SEC22C: variants seen among roughly 807,000 people sequenced by gnomAD.
SEC22C encodes vesicle-trafficking protein SEC22c.
In SEC22C, 29 loss-of-function variants were observed where a neutral mutation model predicts 34.7. The ratio of observed to expected loss-of-function variants is 0.84; its 90% CI spans 0.62 to 1.14. The LOEUF is 1.14. Ranked by LOEUF, SEC22C falls within the 50% of genes most tolerant of loss-of-function variation. The pLI is 0.00. For missense variants in SEC22C, 337 were observed against 369.0 expected (o/e 0.91, Z 0.71); for synonymous variants, 117 against 132.8 (o/e 0.88, Z 0.82).
At chr3:42,601,037 T>G (rs935895346) in exon 1 of SEC22C, 1 of 1,582,892 alleles carries the variant, frequency 6.3e-7, no homozygotes, top group Admixed American at 1.8e-5. Flanking sequence ...GCAGTGCCAC[T>G]TCGACATCGA....
chr3:42,572,380 A>G (rs1244589884), intron 1 of SEC22C, among the ~76,000 whole-genome samples: 2 of 152,216 alleles, frequency 1.3e-5, no homozygotes, highest in Non-Finnish European at 2.9e-5. Flanking sequence ...ACGAAGGCCA[A>G]GTGAAGAGCC....
rs922930637 is a variant in SEC22C at position 42,552,983 on chromosome 3, T to G, written c.*265A>C. ...TTCTCTCTTCCAATAAAGCTCTTTCTGGATGAGCCCCCAGATCCAGCTGTC... is the reference window on the plus strand; with the variant it reads ...TTCTCTCTTCCAATAAAGCTCTTTCGGGATGAGCCCCCAGATCCAGCTGTC... On this transcript the variant is annotated 3_prime_UTR_variant, in exon 7 of 7. Transcript: ENST00000264454. The G allele has an allele frequency of 1.6e-6, 2 of 1,268,224 alleles. No homozygotes were observed. The highest frequency in any genetic ancestry group is 3.1e-5 in the African/African-American group (2 of 65,554). 78.6% of individuals were successfully genotyped at this position (1,268,224 alleles called of 1,614,324 possible). A position where few individuals can be genotyped will look rare whatever the true frequency, so the allele number is the denominator to read the frequency against.
chr3:42,581,360 G>A (rs955212601), intron 1 of SEC22C: 1 of 152,194 alleles, frequency 6.6e-6, no homozygotes, highest in Non-Finnish European at 1.5e-5. Flanking sequence ...AGGTACATGT[G>A]TAAATCTGTA....
At chr3:42,564,760 T>C (rs545739405) in intron 2 of SEC22C, among the ~76,000 whole-genome samples, 1 of 152,318 alleles carries the variant, frequency 6.6e-6, no homozygotes, top group African/African-American at 2.4e-5. Context: ...AAGAGTGTTT[T>C]GTTTTGTTTT....
Position 42,549,570 on chromosome 3 carries a change from C to T in SEC22C, c.*3678G>A. ...CTGTGCTGACCACCAAGTGTTACTCCTCTCCAAGACTTGACTCCCAGGCAT... is the reference window on the plus strand; with the variant it reads ...CTGTGCTGACCACCAAGTGTTACTCTTCTCCAAGACTTGACTCCCAGGCAT... On this transcript the variant is annotated 3_prime_UTR_variant, in exon 7 of 7. Transcript: ENST00000264454. 1 of 984,864 alleles carries T rather than the reference C, an allele frequency of 1.0e-6. No individual in the cohort carries two copies. The highest frequency in any genetic ancestry group is 1.2e-6 in the Non-Finnish European group (1 of 829,882). The allele number at this position is 984,864 out of a possible 1,614,324, so 61.0% of individuals were successfully genotyped here.
chr3:42,599,235 G>C (rs1302306171), intron 1 of SEC22C, among the ~76,000 whole-genome samples: 2 of 150,932 alleles, frequency 1.3e-5, no homozygotes, highest in East Asian at 4.0e-4. Flanking sequence ...AAAGTGCTGG[G>C]ATTACAGGCA....
At chr3:42,585,808 A>G (rs962212863), upstream of SEC22C, among the ~76,000 whole-genome samples, 1 of 152,302 alleles carries the variant, frequency 6.6e-6, no homozygotes, top group Admixed American at 6.5e-5. Flanking sequence ...TCAGTGCTAC[A>G]TACATTGTCA....
chr3:42,559,737 G>A (rs1434262179), intron 4 of SEC22C, among the ~76,000 whole-genome samples: 6 of 152,028 alleles, frequency 3.9e-5, no homozygotes, highest in Non-Finnish European at 5.9e-5. Context: ...AGAATTCTTC[G>A]AATATAAATA....
In SEC22C at chr3:42,552,970, A is replaced by G; in HGVS notation, c.*278T>C. 2 of 1,231,086 alleles carry G rather than the reference A, an allele frequency of 1.6e-6. No homozygotes were observed. The highest frequency in any genetic ancestry group is 2.0e-6 in the Non-Finnish European group (2 of 982,566). 76.3% of individuals were successfully genotyped at this position (1,231,086 alleles called of 1,614,324 possible). On this transcript the variant is annotated 3_prime_UTR_variant, in exon 7 of 7. Coordinates refer to ENST00000264454, the MANE Select transcript of SEC22C (RefSeq NM_032970.4). ...CAAAATATTTCCTTTCTCTCTTCCA[A>G]TAAAGCTCTTTCTGGATGAGCCCCC... is the stretch of plus-strand genomic sequence containing the variant.
chr3:42,596,479 TG>T (rs1398237890), intron 1 of SEC22C, among the ~76,000 whole-genome samples: 1 of 152,214 alleles, frequency 6.6e-6, no homozygotes, highest in African/African-American at 2.4e-5. Context: ...GTACTACCAG[TG>T]GTTCTTCTTC....
In SEC22C at chr3:42,552,240, A is replaced by G. The variant is rs985895797; in HGVS notation, c.*1008T>C. 5 of 985,432 alleles carry G rather than the reference A, an allele frequency of 5.1e-6. No homozygotes were observed. In the South Asian group the frequency reaches 1.9e-4, roughly 37 times the overall value. 61.0% of individuals were successfully genotyped at this position (985,432 alleles called of 1,614,324 possible). ...AAATGAGGCCCTCAAGCTAATTAAG[A>G]TGACTGGGAAAGGTGCAGAGGAGTA... On this transcript the variant is annotated 3_prime_UTR_variant, in exon 7 of 7. Transcript: ENST00000264454.
intron 1 of SEC22C, among the ~76,000 whole-genome samples, chr3:42,575,568 A>C (rs1212656722): frequency 6.6e-6 from 1 of 152,254 alleles, no homozygotes; most frequent in Non-Finnish European, 1.5e-5. Context: ...TCCACTAAGA[A>C]GGCATAATAA....
chr3:42,551,723 G>A lies in SEC22C; in HGVS notation c.*1525C>T, dbSNP rs1274385601. 1 of 961,538 alleles carries A rather than the reference G, an allele frequency of 1.0e-6. No homozygotes were observed. The highest frequency in any genetic ancestry group is 1.2e-6 in the Non-Finnish European group (1 of 808,406). The allele number at this position is 961,538 out of a possible 1,614,324, so 59.6% of individuals were successfully genotyped here. ...ACTATGGCAACATTTTCCCAACATA[G>A]TTCCCAGTATATAAACTTATTTTTC... On this transcript the variant is annotated 3_prime_UTR_variant, in exon 7 of 7. Coordinates refer to ENST00000264454, the MANE Select transcript of SEC22C (RefSeq NM_032970.4).
chr3:42,587,685 G>C (rs187118132), intron 1 of SEC22C: 8 of 151,848 alleles, frequency 5.3e-5, no homozygotes, highest in Admixed American at 5.2e-4. Context: ...GCAGTGAGCC[G>C]AGATCGTGCC....
Position 42,553,155 on chromosome 3 carries a change from T to C in SEC22C, c.*93A>G. The C allele has an allele frequency of 1.3e-6, 2 of 1,524,588 alleles. No homozygotes were observed. The highest frequency in any genetic ancestry group is 1.7e-6 in the Non-Finnish European group (2 of 1,143,916). 94.4% of individuals were successfully genotyped at this position (1,524,588 alleles called of 1,614,324 possible). ...TTTCAGTCCAGTTGGCTGAAAAGGATGGAAACTGGAGTGTAAAGTAGAGAA... is the reference window on the plus strand; with the variant it reads ...TTTCAGTCCAGTTGGCTGAAAAGGACGGAAACTGGAGTGTAAAGTAGAGAA... On this transcript the variant is annotated 3_prime_UTR_variant, in exon 7 of 7. Coordinates refer to ENST00000264454, the MANE Select transcript of SEC22C (RefSeq NM_032970.4).
chr3:42,570,301 A>C (rs1270541953), intron 1 of SEC22C, among the ~76,000 whole-genome samples: 1 of 152,204 alleles, frequency 6.6e-6, no homozygotes. Context: ...CCACCTTCTC[A>C]GACTTGTCCA....
intron 1 of SEC22C, among the ~76,000 whole-genome samples, chr3:42,577,830 C>A (rs1396084583): frequency 1.3e-5 from 2 of 152,068 alleles, no homozygotes; most frequent in Non-Finnish European, 2.9e-5. Context: ...ATTAGCTAGG[C>A]ATGGTGGTGG....
chr3:42,556,348 C>T (rs1702527453), intron 5 of SEC22C, among the ~76,000 whole-genome samples: 1 of 152,260 alleles, frequency 6.6e-6, no homozygotes, highest in South Asian at 2.1e-4. Context: ...CCACCATACA[C>T]TGTTTTGGGC....
intron 5 of SEC22C, 147 bp from the exon 6 acceptor site, chr3:42,556,142 C>G (rs1328934869): frequency 4.7e-6 from 3 of 641,150 alleles, no homozygotes; most frequent in Non-Finnish European, 8.4e-6. Flanking sequence ...TGTTTATGCA[C>G]CAGATCAGGG....
Sources: gnomAD v4.1 joint callset for allele counts (sites outside exome capture counted in the v4.1 genomes callset) on GRCh38, gnomAD v4.1.1 for gene constraint, MANE v1.5 for transcripts, NCBI Gene and HGNC (gene_info 2026-07-23, HGNC 2026-07-21) for gene names.